COL11A1: variants seen among roughly 807,000 people sequenced by gnomAD.
COL11A1 encodes collagen alpha-1(XI) chain.
A neutral mutation model predicts 265.2 loss-of-function variants in COL11A1; 74 were observed. The ratio of observed to expected loss-of-function variants is 0.28; its 90% confidence interval spans 0.23 to 0.34. COL11A1 has a LOEUF of 0.34. Ranked by LOEUF, COL11A1 falls within the 10% of genes least tolerant of loss-of-function variation. COL11A1 has a pLI of 1.00. For missense variants in COL11A1, 2,165 were observed against 2,263.6 expected (o/e 0.96, Z 0.88); for synonymous variants, 816 against 727.6 (o/e 1.12, Z -1.96).
chr1:102,898,296 A>T (rs1046166135), intron 56 of COL11A1, 118 bp from the exon 57 acceptor site: 1 of 412,776 alleles, frequency 2.4e-6, no homozygotes, highest in Non-Finnish European at 3.8e-6. Context: ...CTTAAGTTCC[A>T]CCATATGGAG....
At chr1:103,044,763 T>A (rs765162398) in intron 4 of COL11A1, among the ~76,000 whole-genome samples, 4 of 152,132 alleles carry the variant, frequency 2.6e-5, no homozygotes, top group Non-Finnish European at 5.9e-5. Flanking sequence ...CAGGTACTAT[T>A]TTAGATTTTG....
intron 54 of COL11A1, among the ~76,000 whole-genome samples, chr1:102,901,202 C>T (rs1044970864): frequency 4.6e-5 from 7 of 151,978 alleles, no homozygotes; most frequent in East Asian, 1.9e-4. Context: ...CACCTGTAAT[C>T]CCAGCTACTC....
At chr1:102,952,590 A>T (rs1370303286) in intron 41 of COL11A1, among the ~76,000 whole-genome samples, 1 of 152,240 alleles carries the variant, frequency 6.6e-6, no homozygotes, top group Non-Finnish European at 1.5e-5. Context: ...TTGAAACAAC[A>T]GATGAAAACA....
At position 102,886,954 on chromosome 1, in the gene COL11A1, C is replaced by A. The variant is rs1277867710; in HGVS notation, c.4711G>T (p.Asp1571Tyr). ...MQADADDNIL[D>Y]YSDGMEEIFG... Reference sequence around the variant, plus strand: ...ATTTCTTCCATTCCATCCGAGTAATCAAGAATATTATCATCTGCATCTGCT... The same window carrying A: ...ATTTCTTCCATTCCATCCGAGTAATAAAGAATATTATCATCTGCATCTGCT... The change falls in exon 63 of 67, where the codon GAT becomes TAT. Residue 1571 changes from aspartate to tyrosine, a missense_variant. Physicochemically the swap from Asp to Tyr is radical, Grantham distance 160. Coordinates refer to ENST00000370096, the MANE Select transcript of COL11A1 (RefSeq NM_001854.4). 18 of 1,613,744 alleles carry A rather than the reference C, an allele frequency of 1.1e-5. No individual in the cohort carries two copies. The highest frequency in any genetic ancestry group is 1.5e-5 in the Non-Finnish European group (18 of 1,179,862).
intron 4 of COL11A1, among the ~76,000 whole-genome samples, chr1:103,052,457 A>C (rs895937346): frequency 1.3e-5 from 2 of 152,094 alleles, no homozygotes; most frequent in Non-Finnish European, 2.9e-5. Flanking sequence ...CATCTTTTAC[A>C]TGTGTTCTCA....
chr1:103,054,126 T>C (rs560129866), intron 4 of COL11A1, among the ~76,000 whole-genome samples: 1 of 152,350 alleles, frequency 6.6e-6, no homozygotes, highest in South Asian at 2.1e-4. Flanking sequence ...TTTTACCTAA[T>C]GTTTGTTGTC....
intron 48 of COL11A1, among the ~76,000 whole-genome samples, chr1:102,920,677 G>A (rs1655883864): frequency 6.6e-6 from 1 of 152,120 alleles, no homozygotes; most frequent in South Asian, 2.1e-4. Context: ...TTTAGGCGGT[G>A]ATTTTGTAGT....
chr1:103,027,396 A>AT (rs1667606811), intron 5 of COL11A1, among the ~76,000 whole-genome samples: 1 of 92,094 alleles, frequency 1.1e-5, no homozygotes, highest in African/African-American at 4.6e-5. Flanking sequence ...TTAAAACTCT[A>AT]ATATATATAT....
rs764570124 is a variant in COL11A1, at chr1:103,001,972, A to AT, written c.2098-4dup. The AT allele has an allele frequency of 7.6e-5, 122 of 1,611,512 alleles. No homozygotes were observed. Among genetic ancestry groups the AT allele is most frequent in the Non-Finnish European group, 9.8e-5 (115 of 1,177,880 alleles). Reference sequence around the variant, plus strand: ...GGACCTTGTGGACCAGGAAGACCCTATTTTAAAAGAATTTATTTCATATAT... The same window carrying AT: ...GGACCTTGTGGACCAGGAAGACCCTATTTTTAAAAGAATTTATTTCATATAT... On this transcript the variant is annotated splice_polypyrimidine_tract_variant and splice_region_variant and intron_variant, in intron 23 of 66. Transcript: ENST00000370096.
At chr1:103,015,548 A>C (rs1216978793) in intron 12 of COL11A1, 120 bp downstream of exon 12, 1 of 706,536 alleles carries the variant, frequency 1.4e-6, no homozygotes. Context: ...CTTAATTTCA[A>C]GTATTTCTAC....
intron 4 of COL11A1, among the ~76,000 whole-genome samples, chr1:103,066,417 A>G (rs12129078): frequency 0.14 from 20,984 of 151,766 alleles, 1,590 homozygotes; most frequent in Non-Finnish European, 0.16. Flanking sequence ...ATACAATATT[A>G]GCAAGAAATA....
At chr1:102,969,636 A>G (rs1025360844) in intron 37 of COL11A1, among the ~76,000 whole-genome samples, 2 of 152,140 alleles carry the variant, frequency 1.3e-5, no homozygotes, top group African/African-American at 4.8e-5. Flanking sequence ...TTGTTCAGTC[A>G]ATTTGTTTAC....
intron 11 of COL11A1, among the ~76,000 whole-genome samples, 184 bp from the exon 12 acceptor site, chr1:103,015,926 T>C (rs1030119992): frequency 6.6e-6 from 1 of 152,096 alleles, no homozygotes; most frequent in Admixed American, 6.6e-5. Context: ...TTTAGATGAT[T>C]TTAATAATGT....
intron 54 of COL11A1, among the ~76,000 whole-genome samples, chr1:102,907,580 T>C (rs1230045152): frequency 6.6e-6 from 1 of 152,076 alleles, no homozygotes; most frequent in Non-Finnish European, 1.5e-5. Context: ...TTACCACTTA[T>C]GTTAAAATGC....
At chr1:103,086,447 T>C (rs923163150) in intron 1 of COL11A1, among the ~76,000 whole-genome samples, 8 of 152,016 alleles carry the variant, frequency 5.3e-5, no homozygotes, top group Non-Finnish European at 1.0e-4. Flanking sequence ...GACGGAGTCT[T>C]GCTCTGTTGC....
intron 14 of COL11A1, among the ~76,000 whole-genome samples, chr1:103,011,640 A>G (rs1334611005): frequency 6.6e-6 from 1 of 152,084 alleles, no homozygotes; most frequent in Admixed American, 6.5e-5. Context: ...GCAAGTGTCT[A>G]CTATGTACAA....
chr1:103,092,762 C>A (rs545789397), intron 1 of COL11A1, among the ~76,000 whole-genome samples: 2 of 151,978 alleles, frequency 1.3e-5, no homozygotes, highest in Non-Finnish European at 2.9e-5. Flanking sequence ...ACATTTAGTG[C>A]GATATTGTAA....
At chr1:103,032,096 TGACCATATTA>T (rs1243963864) in intron 4 of COL11A1, among the ~76,000 whole-genome samples, 1 of 152,124 alleles carries the variant, frequency 6.6e-6, no homozygotes, top group Non-Finnish European at 1.5e-5. Context: ...CTGTGTGTCA[TGACCATATTA>T]ATTCAGAATT....
chr1:102,889,924 C>T (rs1454686248), intron 58 of COL11A1, among the ~76,000 whole-genome samples: 9 of 152,066 alleles, frequency 5.9e-5, no homozygotes, highest in Non-Finnish European at 1.3e-4. Flanking sequence ...ATAGGCATCT[C>T]ATTTAATATG....
Sources: allele counts gnomAD v4.1 joint callset (sites outside exome capture counted in the v4.1 genomes callset), GRCh38; gene constraint gnomAD v4.1.1; transcripts MANE v1.5; gene names NCBI Gene and HGNC (gene_info 2026-07-23, HGNC 2026-07-21).